Variants in WDR74 observed in about 807,000 individuals in gnomAD.
The protein encoded by WDR74 is WD repeat-containing protein 74.
A neutral mutation model predicts 45.6 loss-of-function variants in WDR74; 31 were observed. That is an observed-to-expected ratio of 0.68 (90% CI 0.51 to 0.92). WDR74 has a LOEUF of 0.92. WDR74 is among the 40% of genes least tolerant of loss of function. The probability of loss-of-function intolerance (pLI) is 0.00; values close to 1 mark genes in which losing one functional copy is unlikely to be tolerated. For missense variants in WDR74, 455 were observed against 497.2 expected, an observed-to-expected ratio of 0.92 and a Z score of 0.81; for synonymous variants, 191 against 192.4, an observed-to-expected ratio of 0.99 and a Z score of 0.06.
upstream of WDR74, chr11:62,841,693 A>T (rs952656145): frequency 6.6e-6 from 1 of 152,170 alleles, no homozygotes; most frequent in South Asian, 2.1e-4. Context: ...CTCCTATTCC[A>T]TCTCCTATTT....
chr11:62,841,582 A>C (rs542773042), upstream of WDR74: 4 of 152,188 alleles, frequency 2.6e-5, no homozygotes, highest in Admixed American at 1.3e-4. Flanking sequence ...AACTGATCGA[A>C]ATCTTCCATT....
chr11:62,841,492 A>G (rs1042578306), upstream of WDR74: 3 of 152,164 alleles, frequency 2.0e-5, no homozygotes, highest in Non-Finnish European at 2.9e-5. Flanking sequence ...ACACTCAAAC[A>G]CGCGTCATTC....
At position 62,839,237 on chromosome 11, in the gene WDR74, T is replaced by C. The variant is rs763773336; in HGVS notation, c.172-2A>G. On this transcript the variant is annotated splice_acceptor_variant, in intron 2 of 10. Coordinates refer to ENST00000278856, the MANE Select transcript of WDR74 (RefSeq NM_001369450.1). LOFTEE classifies it high-confidence loss of function. ...CCTGTCCGCGCAGCCCACCAGCATCTGCGGCAAAGAAGGGCAAGATGGCGA... is the reference window on the plus strand; with the variant it reads ...CCTGTCCGCGCAGCCCACCAGCATCCGCGGCAAAGAAGGGCAAGATGGCGA... 5 of 1,613,400 alleles carry C rather than the reference T, an allele frequency of 3.1e-6. No homozygotes were observed. In the African/African-American group the frequency reaches 6.7e-5, roughly 22 times the overall value.
chr11:62,841,504 A>C (rs1271047510), upstream of WDR74: 1 of 152,150 alleles, frequency 6.6e-6, no homozygotes, highest in Non-Finnish European at 1.5e-5. Flanking sequence ...GCGTCATTCA[A>C]CACACTAGCG....
upstream of WDR74, among the ~76,000 whole-genome samples, chr11:62,841,237 A>T (rs2085041202): frequency 1.3e-5 from 2 of 152,322 alleles, no homozygotes; most frequent in South Asian, 4.1e-4. Context: ...GAATCGCATG[A>T]ACCCGGGAGG....
chr11:62,841,698 C>A (rs546086044), upstream of WDR74: 3 of 152,192 alleles, frequency 2.0e-5, no homozygotes, highest in Admixed American at 1.3e-4. Flanking sequence ...ATTCCATCTC[C>A]TATTTCCAAA....
chr11:62,841,487 C>CA (rs1226592184), upstream of WDR74: 5 of 152,204 alleles, frequency 3.3e-5, no homozygotes, highest in African/African-American at 1.2e-4. Flanking sequence ...ACAAGACACT[C>CA]AAACACGCGT....
upstream of WDR74, chr11:62,841,702 T>C (rs75829596): frequency 3.3e-5 from 5 of 152,212 alleles, no homozygotes; most frequent in Non-Finnish European, 5.9e-5. Context: ...CATCTCCTAT[T>C]TCCAAAAATC....
In WDR74 at chr11:62,839,480, T is replaced by C. The variant is rs200644559; in HGVS notation, c.64+27A>G. ...CAGGGGCGCGAGTGCACCCCTGCAC[T>C]TCCCGACGCCCGAGCCTGCCACCCA... On this transcript the variant is annotated intron_variant, in intron 1 of 10. Transcript: ENST00000278856. 4.5e-5 allele frequency: 72 copies of C among 1,613,542 alleles called. No individual in the cohort carries two copies. In the Admixed American group the frequency reaches 9.2e-4, roughly 21 times the overall value.
At chr11:62,835,267 T>C in intron 6 of WDR74, 164 bp downstream of exon 6, 1 of 627,940 alleles carries the variant, frequency 1.6e-6, no homozygotes, top group Non-Finnish European at 2.8e-6. Context: ...TAGAATACAG[T>C]AGAGGAAGGT....
At position 62,839,153 on chromosome 11, in the gene WDR74, C is replaced by T. The variant is rs762151988; in HGVS notation, c.254G>A (p.Gly85Asp). The T allele has an allele frequency of 6.8e-6, 11 of 1,613,688 alleles. No individual in the cohort carries two copies. In the South Asian group the frequency reaches 1.2e-4, roughly 18 times the overall value. The change falls in exon 3 of 11, where the codon GGC (glycine) becomes GAC (aspartate). Residue 85 changes from glycine to aspartate, a missense_variant. Gly to Asp is a moderately conservative substitution (Grantham distance 94). Coordinates refer to ENST00000278856, the MANE Select transcript of WDR74 (RefSeq NM_001369450.1). Reference sequence around the variant, plus strand: ...GAGGCCACGGAACATGCCCTCCCCGCCCGGGCAGTGTCTCTGACCCTGGAA... The same window carrying T: ...GAGGCCACGGAACATGCCCTCCCCGTCCGGGCAGTGTCTCTGACCCTGGAA... ...GIFQGQRHCP[G>D]GEGMFRGLAQ...
upstream of WDR74, chr11:62,841,712 C>T (rs531041957): frequency 3.9e-5 from 6 of 152,318 alleles, no homozygotes; most frequent in Non-Finnish European, 7.3e-5. Flanking sequence ...TTCCAAAAAT[C>T]CATTTAATAT....
chr11:62,839,762 G>C (rs2085020895), upstream of WDR74: 1 of 712,060 alleles, frequency 1.4e-6, no homozygotes, highest in Non-Finnish European at 2.3e-6. Context: ...AGAATACATT[G>C]ATCATTTTGC....
Position 62,835,487 on chromosome 11 carries a change from C to A in WDR74, c.562G>T (p.Asp188Tyr), listed in dbSNP as rs938093730. Residue 188 changes from aspartate (D) to tyrosine (Y), a missense_variant, in exon 6 of 11, where the codon GAC (aspartate) becomes TAC (tyrosine). Physicochemically the swap from Asp to Tyr is radical, Grantham distance 160. Coordinates refer to ENST00000278856, the MANE Select transcript of WDR74 (RefSeq NM_001369450.1). ...TGTGATCCTGGGAGAAACTGTATGT[C>A]CTGGTCCCAGATGGGAACCCGCAAG... ...LDLRVPIWDQDIQFLPGSQKL... is the reference protein window; with the variant it reads ...LDLRVPIWDQYIQFLPGSQKL... 3.1e-6 allele frequency: 5 copies of A among 1,613,962 alleles called. No individual in the cohort carries two copies. Among genetic ancestry groups the A allele is most frequent in the Non-Finnish European group, 4.2e-6 (5 of 1,179,858 alleles).
At position 62,839,038 on chromosome 11, in the gene WDR74, GC is replaced by G. The variant is rs756488170; in HGVS notation, c.293+75del. 68 of 1,581,582 alleles carry G rather than the reference GC, an allele frequency of 4.3e-5. No individual in the cohort carries two copies. In the East Asian group the frequency reaches 7.2e-4, roughly 17 times the overall value. On this transcript the variant is annotated intron_variant, in intron 3 of 10. Transcript: ENST00000278856. Reference sequence around the variant, plus strand: ...CCGTGTCACTAAGAGTTTGCCTGTCGCCATCATTCCAGTATCCTCAGGGAGC... The same window carrying G: ...CCGTGTCACTAAGAGTTTGCCTGTCGCATCATTCCAGTATCCTCAGGGAGC...
intron 3 of WDR74, among the ~76,000 whole-genome samples, chr11:62,837,507 A>T (rs1463485843): frequency 2.0e-5 from 3 of 149,088 alleles, no homozygotes; most frequent in African/African-American, 5.0e-5. Context: ...TAAAAAAAAA[A>T]CAAAAAACAA....
rs1358810676 is a variant in WDR74 at position 62,833,305 on chromosome 11, A to G, written c.979-174T>C. On this transcript the variant is annotated intron_variant, in intron 10 of 10. Transcript: ENST00000278856. Reference sequence around the variant, plus strand: ...TCCACAAAAAGAAGTTTAAAAAAAAAAAAAAAAAAAAAAAAAAAGAAAAGT... The same window carrying G: ...TCCACAAAAAGAAGTTTAAAAAAAAGAAAAAAAAAAAAAAAAAAGAAAAGT... Among the ~76,000 whole-genome samples, 3 of 148,492 alleles carry G rather than the reference A, an allele frequency of 2.0e-5. No homozygotes were observed. In the East Asian group the frequency reaches 5.8e-4, roughly 29 times the overall value.
upstream of WDR74, chr11:62,840,262 G>C (rs1201451911): frequency 6.6e-6 from 1 of 152,324 alleles, no homozygotes; most frequent in East Asian, 1.9e-4. Flanking sequence ...GGCGGATCAT[G>C]AGGTCAGGAG....
chr11:62,834,570 A>C lies in WDR74; in HGVS notation c.619-43T>G, dbSNP rs1298878608. On this transcript the variant is annotated intron_variant, in intron 6 of 10. Transcript: ENST00000278856. Reference sequence around the variant, plus strand: ...CATCACAAAAGTATCCTCACCCTGCACCTACCCTCTGGCGTCTCTGCATCC... The same window carrying C: ...CATCACAAAAGTATCCTCACCCTGCCCCTACCCTCTGGCGTCTCTGCATCC... The C allele has an allele frequency of 1.9e-6, 3 of 1,551,190 alleles. No homozygotes were observed. In the South Asian group the frequency reaches 3.4e-5, roughly 18 times the overall value.
Sources: gnomAD v4.1 joint callset for allele counts (sites outside exome capture counted in the v4.1 genomes callset) on GRCh38, gnomAD v4.1.1 for gene constraint, MANE v1.5 for transcripts, NCBI Gene and HGNC (gene_info 2026-07-23, HGNC 2026-07-21) for gene names.